ROBO1: variants seen among roughly 807,000 people sequenced by gnomAD.
The protein encoded by ROBO1 is roundabout guidance receptor 1.
Under a neutral mutation model 195.9 loss-of-function variants are expected in ROBO1, and 149 were observed. That is an observed-to-expected ratio of 0.76 (90% CI 0.67 to 0.87). The LOEUF (loss-of-function observed/expected upper bound fraction) is 0.87. Among genes scored for constraint, ROBO1 ranks in the 40% least tolerant of loss-of-function variants. The pLI, the probability that ROBO1 is intolerant of heterozygous loss-of-function variation, is 0.00. For synonymous variants in ROBO1, 816 were observed against 733.2 expected, an observed-to-expected ratio of 1.11 and a Z score of -1.82; for missense variants, 1,933 against 2,068.3, an observed-to-expected ratio of 0.93 and a Z score of 1.27.
At chr3:78,769,608 G>C (rs1173435833) in intron 4 of ROBO1, among the ~76,000 whole-genome samples, 1 of 123,646 alleles carries the variant, frequency 8.1e-6, no homozygotes, top group Non-Finnish European at 1.6e-5. Context: ...TTTGTTGCCA[G>C]TGTACTTTGG....
chr3:79,315,437 GA>G (rs2033689408), intron 2 of ROBO1, among the ~76,000 whole-genome samples: 2 of 152,184 alleles, frequency 1.3e-5, no homozygotes, highest in Admixed American at 1.3e-4. Context: ...TAGAATAGAA[GA>G]AGTGGAGTAG....
intron 1 of ROBO1, among the ~76,000 whole-genome samples, chr3:79,706,301 C>T (rs984728005): frequency 2.6e-5 from 4 of 152,072 alleles, no homozygotes; most frequent in Admixed American, 2.6e-4. Flanking sequence ...TATAGATACC[C>T]TTTATCAAGT....
intron 4 of ROBO1, among the ~76,000 whole-genome samples, chr3:78,869,300 A>G (rs1027779203): frequency 4.6e-5 from 7 of 152,092 alleles, no homozygotes; most frequent in Admixed American, 2.0e-4. Flanking sequence ...TTAAACCAAC[A>G]TTTTTTTGTG....
intron 4 of ROBO1, among the ~76,000 whole-genome samples, chr3:78,881,291 TAC>T (rs1335702131): frequency 1.3e-5 from 2 of 152,162 alleles, no homozygotes; most frequent in Non-Finnish European, 2.9e-5. Context: ...GAAAGTGTGT[TAC>T]GGAGCCCCTC....
intron 1 of ROBO1, among the ~76,000 whole-genome samples, chr3:79,620,541 T>C (rs1429322658): frequency 3.3e-5 from 5 of 151,100 alleles, no homozygotes; most frequent in Non-Finnish European, 7.4e-5. Context: ...ACTCTCTTTT[T>C]TAGTTGTCTC....
intron 1 of ROBO1, among the ~76,000 whole-genome samples, chr3:79,750,764 T>C (rs141431139): frequency 3.9e-5 from 6 of 152,292 alleles, no homozygotes; most frequent in African/African-American, 1.2e-4. Context: ...GTAAGTCCAT[T>C]AAAACCTCTT....
intron 2 of ROBO1, among the ~76,000 whole-genome samples, chr3:79,217,426 G>A (rs557254596): frequency 3.4e-4 from 51 of 151,942 alleles, no homozygotes; most frequent in African/African-American, 1.2e-3. Flanking sequence ...ACATTTTAAC[G>A]TATTTTTTTC....
intron 1 of ROBO1, among the ~76,000 whole-genome samples, chr3:79,651,642 C>G (rs1044997025): frequency 1.3e-5 from 2 of 152,088 alleles, no homozygotes; most frequent in African/African-American, 2.4e-5. Context: ...CCCGGGAGAC[C>G]AGCCATTGCA....
chr3:79,444,152 T>A (rs1334128051), intron 2 of ROBO1, among the ~76,000 whole-genome samples: 1 of 152,048 alleles, frequency 6.6e-6, no homozygotes, highest in Non-Finnish European at 1.5e-5. Context: ...TTAATTTCAA[T>A]GATATTGAGA....
At chr3:78,864,805 A>G (rs1357760779) in intron 4 of ROBO1, among the ~76,000 whole-genome samples, 2 of 149,546 alleles carry the variant, frequency 1.3e-5, no homozygotes, top group African/African-American at 4.9e-5. Context: ...TGTACACAAG[A>G]AAAAAAAAAG....
chr3:78,652,682 G>GT (rs1251133404), intron 18 of ROBO1, among the ~76,000 whole-genome samples: 1 of 152,150 alleles, frequency 6.6e-6, no homozygotes, highest in African/African-American at 2.4e-5. Flanking sequence ...TGTTAAATAT[G>GT]TAAAAGAATT....
At chr3:79,634,437 C>T (rs1037646238) in intron 1 of ROBO1, among the ~76,000 whole-genome samples, 3 of 147,752 alleles carry the variant, frequency 2.0e-5, no homozygotes, top group Admixed American at 2.0e-4. Context: ...TGCCAACATT[C>T]AACAGTCTTA....
intron 4 of ROBO1, among the ~76,000 whole-genome samples, chr3:78,792,406 T>G (rs1185810475): frequency 6.6e-6 from 1 of 152,192 alleles, no homozygotes; most frequent in Non-Finnish European, 1.5e-5. Context: ...AATGTGCCAT[T>G]ATTAGATAGT....
At chr3:78,810,989 G>A (rs2084720303) in intron 4 of ROBO1, among the ~76,000 whole-genome samples, 1 of 152,162 alleles carries the variant, frequency 6.6e-6, no homozygotes, top group South Asian at 2.1e-4. Context: ...TGTTTCCAGT[G>A]AGGCCAAATG....
At chr3:78,684,727 A>G (rs2107817137) in intron 10 of ROBO1, among the ~76,000 whole-genome samples, 1 of 152,272 alleles carries the variant, frequency 6.6e-6, no homozygotes, top group Admixed American at 6.5e-5. Context: ...GAGATAAAGA[A>G]AGATGAGGAG....
intron 4 of ROBO1, among the ~76,000 whole-genome samples, chr3:78,780,491 A>C (rs547883591): frequency 3.3e-5 from 5 of 151,780 alleles, no homozygotes; most frequent in African/African-American, 9.7e-5. Flanking sequence ...GCATGCCCTT[A>C]TCTCTCCTGT....
intron 4 of ROBO1, among the ~76,000 whole-genome samples, chr3:78,863,755 C>T (rs969336144): frequency 3.9e-5 from 6 of 152,090 alleles, no homozygotes; most frequent in Non-Finnish European, 8.8e-5. Flanking sequence ...CAAATGCAGT[C>T]GGCATTGCAC....
At chr3:79,560,191 T>C (rs1182421455) in intron 2 of ROBO1, among the ~76,000 whole-genome samples, 3 of 151,882 alleles carry the variant, frequency 2.0e-5, no homozygotes, top group Middle Eastern at 3.4e-3. Flanking sequence ...CACCATGGAA[T>C]ACTATGCAGC....
intron 2 of ROBO1, among the ~76,000 whole-genome samples, chr3:79,476,917 A>G (rs1475771135): frequency 6.6e-6 from 1 of 152,078 alleles, no homozygotes; most frequent in Admixed American, 6.6e-5. Context: ...ATGTAAATTT[A>G]AAAATAATAA....
Sources: allele counts gnomAD v4.1 joint callset (sites outside exome capture counted in the v4.1 genomes callset), GRCh38; gene constraint gnomAD v4.1.1; transcripts MANE v1.5; gene names NCBI Gene and HGNC (gene_info 2026-07-23, HGNC 2026-07-21).